POU6F1: variants seen among roughly 807,000 people sequenced by gnomAD.
POU6F1 encodes the protein POU domain, class 6, transcription factor 1.
A neutral mutation model predicts 28.9 loss-of-function variants in POU6F1; 9 were observed. That is an observed-to-expected ratio of 0.31 (90% CI 0.19 to 0.54). The LOEUF (loss-of-function observed/expected upper bound fraction) is 0.54. Among genes scored for constraint, POU6F1 ranks in the 20% least tolerant of loss-of-function variants. The pLI, the probability that POU6F1 is intolerant of heterozygous loss-of-function variation, is 0.94. For missense variants in POU6F1, 338 were observed against 426.1 expected (o/e 0.79, Z 1.82); for synonymous variants, 173 against 171.1 (o/e 1.01, Z -0.09).
intron 8 of POU6F1, among the ~76,000 whole-genome samples, chr12:51,193,584 T>TA (rs1030469107): frequency 1.7e-4 from 26 of 151,692 alleles, no homozygotes; most frequent in African/African-American, 6.3e-4. Context: ...TCTCAAGAAA[T>TA]AAAAAATAAT....
rs900689501 is a variant in POU6F1 at position 51,218,000 on chromosome 12, C to CT, written c.-407dup. On this transcript the variant is annotated 5_prime_UTR_variant, in exon 1 of 11. Coordinates refer to ENST00000333640, the MANE Select transcript of POU6F1 (RefSeq NM_001330422.2). The surrounding 1 kb of genome is among the most constrained non-coding windows in gnomAD (Gnocchi z 5.3). Reference sequence around the variant, plus strand: ...CGACCCCCCCCTTTTCCCTCCCCCCCTTTTTTCCCTCCTTCTGCTACTTGG... The same window carrying CT: ...CGACCCCCCCCTTTTCCCTCCCCCCCTTTTTTTCCCTCCTTCTGCTACTTGG... Among the ~76,000 whole-genome samples the CT allele has an allele frequency of 2.0e-5, 3 of 151,824 alleles. No homozygotes were observed. The highest frequency in any genetic ancestry group is 7.3e-5 in the African/African-American group (3 of 41,378).
Position 51,190,025 on chromosome 12 carries a change from C to T in POU6F1, c.*222G>A, listed in dbSNP as rs574190945. ...AATCCTCTTCTTCGGAGTGACCAGC[C>T]CAGAGCCTGGAGCTCTCGTGTGGCC... On this transcript the variant is annotated 3_prime_UTR_variant, in exon 11 of 11. Transcript: ENST00000333640. The surrounding 1 kb of genome is among the most constrained non-coding windows in gnomAD (Gnocchi z 4.5). 142 of 768,540 alleles carry T rather than the reference C, an allele frequency of 1.8e-4. No homozygotes were observed. In the African/African-American group the frequency reaches 2.0e-3, roughly 11 times the overall value. The allele number at this position is 768,540 out of a possible 1,614,324, so 47.6% of individuals were successfully genotyped here. A position where few individuals can be genotyped will look rare whatever the true frequency, so the allele number is the denominator to read the frequency against.
At chr12:51,213,723 G>A (rs1161528528) in intron 1 of POU6F1, among the ~76,000 whole-genome samples, 4 of 151,512 alleles carry the variant, frequency 2.6e-5, no homozygotes, top group African/African-American at 4.8e-5. Flanking sequence ...TAGTAGAGAC[G>A]GGGTTTCCCC....
At chr12:51,193,553 G>A (rs1181606030) in intron 8 of POU6F1, among the ~76,000 whole-genome samples, 1 of 152,022 alleles carries the variant, frequency 6.6e-6, no homozygotes. Context: ...ACTTCAGCCT[G>A]GGCAACAGAG....
At chr12:51,195,938 G>GCAC in intron 8 of POU6F1, 32 bp downstream of exon 8, 1 of 916,160 alleles carries the variant, frequency 1.1e-6, no homozygotes, top group South Asian at 1.5e-5. Flanking sequence ...AGCAGAGCCT[G>GCAC]CCCCACCCCC....
chr12:51,189,400 C>T lies in POU6F1; in HGVS notation c.*847G>A, dbSNP rs140859029. 2.1e-4 allele frequency: 32 copies of T among 152,244 alleles called. No individual in the cohort carries two copies. Among genetic ancestry groups the T allele is most frequent in the Admixed American group, 3.9e-4 (6 of 15,282 alleles). The allele number at this position is 152,244 out of a possible 1,614,324, so 9.4% of individuals were successfully genotyped here. On this transcript the variant is annotated 3_prime_UTR_variant, in exon 11 of 11. Coordinates refer to ENST00000333640, the MANE Select transcript of POU6F1 (RefSeq NM_001330422.2). ...CCAGTCTGCAAGTTCTCTTAACCCA[C>T]GTTTTTTTGTGGGAGGGATGGCCAT...
intron 1 of POU6F1, among the ~76,000 whole-genome samples, chr12:51,212,555 T>G (rs1201280119): frequency 6.9e-5 from 10 of 145,438 alleles, no homozygotes; most frequent in Non-Finnish European, 9.0e-5. Context: ...CTGAGGCGAG[T>G]AGATCACCTG....
intron 10 of POU6F1, 81 bp downstream of exon 10, chr12:51,191,515 C>A: frequency 6.7e-7 from 1 of 1,494,996 alleles, no homozygotes; most frequent in Non-Finnish European, 9.0e-7. Flanking sequence ...GAAAAGGGGC[C>A]GGTGCTCAGG....
At position 51,190,614 on chromosome 12, in the gene POU6F1, G is replaced by A. The variant is rs777985038; in HGVS notation, c.1491-22C>T. 4 of 1,607,406 alleles carry A rather than the reference G, an allele frequency of 2.5e-6. No homozygotes were observed. In the East Asian group the frequency reaches 6.7e-5, roughly 27 times the overall value. On this transcript the variant is annotated intron_variant, in intron 10 of 10. Coordinates refer to ENST00000333640, the MANE Select transcript of POU6F1 (RefSeq NM_001330422.2). This position sits in a 1 kb window ranked among gnomAD's most constrained non-coding sequence, Gnocchi z 4.5. ...GAACCTGTGGGCAACCCATACCCAG[G>A]AAGAGGCAGTGAGAGCATGTTGGTC...
chr12:51,215,715 C>T (rs1342055193), intron 1 of POU6F1, among the ~76,000 whole-genome samples: 1 of 152,074 alleles, frequency 6.6e-6, no homozygotes, highest in Non-Finnish European at 1.5e-5. Context: ...TCTCTTCTGC[C>T]TCATGAACCC....
At chr12:51,212,562 C>T (rs1487008305) in intron 1 of POU6F1, among the ~76,000 whole-genome samples, 1 of 150,270 alleles carries the variant, frequency 6.7e-6, no homozygotes, top group Admixed American at 6.6e-5. Context: ...GAGTAGATCA[C>T]CTGAGGACGG....
In POU6F1 at chr12:51,197,962, G is replaced by C; in HGVS notation, c.654C>G (p.Ala218=). The change falls in exon 6 of 11, where the codon GCC becomes GCG. Residue 218 remains alanine (A), a synonymous_variant. Transcript: ENST00000333640. ...APVQAAAPVQ[A]SSTAQPRPPA... is the part of the protein sequence containing the mutation. ...GTGGCCGGGGTTGGGCCGTCGAGGA[G>C]GCCTGTACTGGTGCGGCAGCTTGTA... 2.5e-6 allele frequency: 1 copy of C among 401,712 alleles called. No homozygotes were observed. The highest frequency in any genetic ancestry group is 4.4e-6 in the Non-Finnish European group (1 of 228,042). The allele number at this position is 401,712 out of a possible 1,614,324, so 24.9% of individuals were successfully genotyped here. A position where few individuals can be genotyped will look rare whatever the true frequency, so the allele number is the denominator to read the frequency against.
chr12:51,211,271 A>G (rs1481585273), intron 1 of POU6F1, among the ~76,000 whole-genome samples: 1 of 152,212 alleles, frequency 6.6e-6, no homozygotes, highest in Admixed American at 6.5e-5. Flanking sequence ...TACACAGATC[A>G]CAGCAGAGCT....
chr12:51,208,383 T>G (rs953007789), intron 1 of POU6F1, among the ~76,000 whole-genome samples: 2 of 152,224 alleles, frequency 1.3e-5, no homozygotes, highest in African/African-American at 2.4e-5. Flanking sequence ...GACATTTATT[T>G]CGAGTGCATA....
At chr12:51,207,576 A>G (rs1412715163) in intron 1 of POU6F1, 1 of 152,164 alleles carries the variant, frequency 6.6e-6, no homozygotes, top group Non-Finnish European at 1.5e-5. Context: ...AGATGGTAAA[A>G]ACATAAATTA....
rs1351095021 is a variant in POU6F1 at position 51,196,916 on chromosome 12, A to G, written c.858T>C (p.Ala286=). 3.2e-5 allele frequency: 50 copies of G among 1,582,272 alleles called. 1 individual carries two copies. The South Asian group carries it at 4.6e-4, about 14-fold the overall frequency. ...GGATCTGGGTCTGTCCCCCGAGGGA[A>G]GCAGCACTGATCTGTGGGTGGAGGA... The part of the protein sequence containing the change: ...FAFSPGIISA[A]SLGGQTQILG... Residue 286 remains alanine (A), a synonymous_variant, in exon 7 of 11, where the codon GCT becomes GCC. Coordinates refer to ENST00000333640, the MANE Select transcript of POU6F1 (RefSeq NM_001330422.2).
Position 51,190,667 on chromosome 12 carries a change from A to G in POU6F1, c.1491-75T>C. The G allele has an allele frequency of 1.3e-6, 2 of 1,550,890 alleles. No individual in the cohort carries two copies. Among genetic ancestry groups the G allele is most frequent in the South Asian group, 1.2e-5 (1 of 81,710 alleles). ...TTTGGCACACCCCGCACCTAGGTGC[A>G]GGCTCCATCCTCAAGGGGCCGCTCC... is the stretch of plus-strand genomic sequence containing the variant. On this transcript the variant is annotated intron_variant, in intron 10 of 10. Transcript: ENST00000333640. The surrounding 1 kb of genome is among the most constrained non-coding windows in gnomAD (Gnocchi z 4.5).
chr12:51,196,067 G>C lies in POU6F1; in HGVS notation c.1082C>G (p.Ala361Gly). Residue 361 changes from alanine to glycine, a missense_variant, in exon 8 of 11, where the codon GCC becomes GGC. Ala to Gly is a moderately conservative substitution (Grantham distance 60). Around this residue, in one of 3 missense-constraint regions of POU6F1, gnomAD observed 206 missense variants for 225.6 expected, o/e 0.91. Coordinates refer to ENST00000333640, the MANE Select transcript of POU6F1 (RefSeq NM_001330422.2). ...QAVTPQLLLN[A>G]QGQVIATLAS... ...CAGGGTCGCAATCACCTGGCCCTGG[G>C]CGTTCAACAACAGCTGGGGGGTCAC... The C allele has an allele frequency of 6.2e-7, 1 of 1,609,040 alleles. No homozygotes were observed. The highest frequency in any genetic ancestry group is 8.5e-7 in the Non-Finnish European group (1 of 1,178,350).
intron 3 of POU6F1, 82 bp downstream of exon 3, chr12:51,204,091 A>G (rs1943405114): frequency 2.5e-6 from 1 of 398,710 alleles, no homozygotes; most frequent in South Asian, 1.3e-4. Context: ...AGCCCCAGGG[A>G]TTCATGCTGG....
Sources: allele counts gnomAD v4.1 joint callset (sites outside exome capture counted in the v4.1 genomes callset), GRCh38; gene constraint gnomAD v4.1.1; regional missense constraint gnomAD v4.1.1; non-coding constraint Gnocchi (gnomAD v3.1); transcripts MANE v1.5; gene names NCBI Gene and HGNC (gene_info 2026-07-23, HGNC 2026-07-21).